Variants in SORCS1 observed in about 807,000 individuals in gnomAD.
SORCS1 encodes VPS10 domain-containing receptor SorCS1.
In SORCS1, 60 loss-of-function variants were observed where a neutral mutation model predicts 146.1. The ratio of observed to expected loss-of-function variants is 0.41; its 90% CI spans 0.33 to 0.51. The LOEUF (loss-of-function observed/expected upper bound fraction) is 0.51, where lower values mean the gene tolerates loss of function less well. Ranked by LOEUF, SORCS1 falls within the 20% of genes least tolerant of loss-of-function variation. SORCS1 has a pLI of 0.21. For missense variants in SORCS1, 1,352 were observed against 1,487.6 expected (o/e 0.91, Z 1.50); for synonymous variants, 637 against 584.0 (o/e 1.09, Z -1.31).
intron 1 of SORCS1, among the ~76,000 whole-genome samples, chr10:107,145,124 G>A (rs1327884254): frequency 2.6e-5 from 4 of 152,178 alleles, no homozygotes; most frequent in Non-Finnish European, 5.9e-5. Flanking sequence ...CAAACAACGT[G>A]ATAAACACCA....
chr10:106,927,130 T>C (rs994868046), intron 2 of SORCS1, among the ~76,000 whole-genome samples: 1 of 152,176 alleles, frequency 6.6e-6, no homozygotes, highest in African/African-American at 2.4e-5. Flanking sequence ...TAATACTGTG[T>C]CCAGAATTGG....
At chr10:106,940,894 TA>T (rs1954009369) in intron 2 of SORCS1, among the ~76,000 whole-genome samples, 1 of 151,896 alleles carries the variant, frequency 6.6e-6, no homozygotes, top group Admixed American at 6.6e-5. Context: ...CAAAAAATAA[TA>T]ATAAAAAAAA....
intron 1 of SORCS1, among the ~76,000 whole-genome samples, chr10:106,978,079 G>C (rs566174416): frequency 3.5e-4 from 54 of 152,252 alleles, no homozygotes; most frequent in African/African-American, 1.2e-3. Context: ...GAGTAGCTGG[G>C]ATTATAGGCA....
At chr10:106,839,595 C>A (rs941088467) in intron 2 of SORCS1, among the ~76,000 whole-genome samples, 1 of 152,180 alleles carries the variant, frequency 6.6e-6, no homozygotes. Context: ...TAGCTAAGAT[C>A]ATTGATGAAG....
chr10:107,179,174 T>A, the SORCS1 span, among the ~76,000 whole-genome samples: 4 of 152,360 alleles, frequency 2.6e-5, no homozygotes, highest in East Asian at 7.7e-4. Context: ...AATAAGATGA[T>A]GTCTCATTGC....
intron 1 of SORCS1, among the ~76,000 whole-genome samples, chr10:107,150,380 T>C (rs1487605724): frequency 6.6e-6 from 1 of 152,202 alleles, no homozygotes; most frequent in African/African-American, 2.4e-5. Context: ...TAATAATGCA[T>C]AAATACTACA....
chr10:107,126,358 T>A (rs1322496488), intron 1 of SORCS1, among the ~76,000 whole-genome samples: 2 of 152,174 alleles, frequency 1.3e-5, no homozygotes, highest in African/African-American at 2.4e-5. Context: ...ATAGTCAGCA[T>A]CTTTGAAAAT....
chr10:106,928,247 C>A (rs1290090039), intron 2 of SORCS1, among the ~76,000 whole-genome samples: 2 of 152,224 alleles, frequency 1.3e-5, no homozygotes, highest in African/African-American at 4.8e-5. Context: ...CAGCCCTGCC[C>A]CGCGAGGAGG....
At chr10:106,860,979 G>A (rs945733007) in intron 2 of SORCS1, among the ~76,000 whole-genome samples, 12 of 152,134 alleles carry the variant, frequency 7.9e-5, no homozygotes, top group Admixed American at 5.2e-4. Context: ...ACATACACAC[G>A]TCCTTTATCT....
chr10:106,579,019 GA>G lies in SORCS1; in HGVS notation c.3371+349del. On this transcript the variant is annotated intron_variant, in intron 25 of 25. Coordinates refer to ENST00000263054, the MANE Select transcript of SORCS1 (RefSeq NM_052918.5). The stretch of plus-strand genomic sequence containing the variant: ...AAAAGAAAGTGGTTATGTCAAGCCA[GA>G]AAGGGGTTAGAGAGAGAGTCAGCCA... 1.9e-6 allele frequency: 3 copies of G among 1,569,078 alleles called. 1 individual carries two copies. In the South Asian group the frequency reaches 3.6e-5, roughly 19 times the overall value.
intron 1 of SORCS1, among the ~76,000 whole-genome samples, chr10:107,017,785 A>G (rs1047034951): frequency 6.6e-6 from 1 of 152,174 alleles, no homozygotes; most frequent in Non-Finnish European, 1.5e-5. Context: ...CCTCCTGAGT[A>G]GCACCCAAGT....
intron 24 of SORCS1, among the ~76,000 whole-genome samples, chr10:106,588,555 A>G (rs1845382070): frequency 6.6e-6 from 1 of 152,002 alleles, no homozygotes. Context: ...ATTAGCAGAA[A>G]CTTGCTAAAA....
chr10:106,703,113 T>TAAGG lies in SORCS1; in HGVS notation c.1233+3428_1233+3431dup, dbSNP rs1243093047. Among the ~76,000 whole-genome samples the TAAGG allele has an allele frequency of 3.3e-5, 5 of 152,110 alleles. No homozygotes were observed. In the East Asian group the frequency reaches 9.6e-4, roughly 29 times the overall value. ...CAACCAAATTCTCAGGAAGGATTAC[T>TAAGG]AAGGACATTTTATTCTAAGTAACAC... On this transcript the variant is annotated intron_variant, in intron 8 of 25. Coordinates refer to ENST00000263054, the MANE Select transcript of SORCS1 (RefSeq NM_052918.5).
At chr10:106,891,504 C>CTTGTTTTTTTTTTTTTTT (rs1951231292) in intron 2 of SORCS1, among the ~76,000 whole-genome samples, 1 of 97,260 alleles carries the variant, frequency 1.0e-5, no homozygotes, top group East Asian at 2.9e-4. Context: ...AATGGGAATT[C>CTTGTTTTTTTTTTTTTTT]TTTTTTTTTT....
At chr10:107,024,590 C>A (rs974303727) in intron 1 of SORCS1, among the ~76,000 whole-genome samples, 1 of 152,202 alleles carries the variant, frequency 6.6e-6, no homozygotes, top group African/African-American at 2.4e-5. Flanking sequence ...CAGGAATCTA[C>A]ATTTTTAATA....
chr10:106,635,697 G>A (rs1000759136), intron 18 of SORCS1, among the ~76,000 whole-genome samples: 2 of 152,144 alleles, frequency 1.3e-5, no homozygotes, highest in African/African-American at 4.8e-5. Context: ...TTAAATATGG[G>A]TTAAGTACAT....
intron 1 of SORCS1, among the ~76,000 whole-genome samples, chr10:106,989,937 C>T (rs960407831): frequency 4.6e-5 from 7 of 152,052 alleles, no homozygotes; most frequent in African/African-American, 1.2e-4. Context: ...CCACCTGCCT[C>T]GGCCTCCCAC....
intron 2 of SORCS1, among the ~76,000 whole-genome samples, chr10:106,950,540 A>G (rs1038379706): frequency 1.3e-5 from 2 of 152,194 alleles, no homozygotes; most frequent in Non-Finnish European, 2.9e-5. Context: ...TGCTGCTCAG[A>G]ATGTTACAGC....
At chr10:107,058,590 C>T (rs548949788) in intron 1 of SORCS1, among the ~76,000 whole-genome samples, 1 of 152,260 alleles carries the variant, frequency 6.6e-6, no homozygotes, top group South Asian at 2.1e-4. Context: ...GAGTTTGAAT[C>T]CCAGCCCTGT....
Sources: allele counts gnomAD v4.1 joint callset (sites outside exome capture counted in the v4.1 genomes callset), GRCh38; gene constraint gnomAD v4.1.1; transcripts MANE v1.5; gene names NCBI Gene and HGNC (gene_info 2026-07-23, HGNC 2026-07-21).